The following SYNPR variants were observed in gnomAD, a reference collection of about 807,000 sequenced individuals.
SYNPR encodes the protein synaptoporin.
Under a neutral mutation model 32.9 loss-of-function variants are expected in SYNPR, and 23 were observed. The ratio of observed to expected loss-of-function variants is 0.70; its 90% confidence interval spans 0.50 to 0.99. SYNPR has a LOEUF of 0.99. SYNPR is among the 50% of genes least tolerant of loss of function. The probability of loss-of-function intolerance (pLI) is 0.00; values close to 1 mark genes in which losing one functional copy is unlikely to be tolerated. For missense variants in SYNPR, 318 were observed against 349.3 expected, an observed-to-expected ratio of 0.91 and a Z score of 0.71; for synonymous variants, 146 against 135.9, an observed-to-expected ratio of 1.07 and a Z score of -0.52.
chr3:63,259,229 A>G (rs1053139153), intron 2 of SYNPR, among the ~76,000 whole-genome samples: 1 of 152,238 alleles, frequency 6.6e-6, no homozygotes, highest in Non-Finnish European at 1.5e-5. Flanking sequence ...TTATGAGGCC[A>G]GCATCATCCT....
rs548659844 is a variant in SYNPR, at chr3:63,615,937, G to A, written c.*456G>A. ...TTTTTTTTAGTTTTAAGTCCTATAG[G>A]ACTATGAGTCTCTAAGTTATTTGTT... On this transcript the variant is annotated 3_prime_UTR_variant, in exon 6 of 6. Coordinates refer to ENST00000478300, the MANE Select transcript of SYNPR (RefSeq NM_001130003.2). 1 of 152,666 alleles carries A rather than the reference G, an allele frequency of 6.6e-6. No homozygotes were observed. Among genetic ancestry groups the A allele is most frequent in the Admixed American group, 6.5e-5 (1 of 15,324 alleles). The allele number at this position is 152,666 out of a possible 1,614,324, so 9.5% of individuals were successfully genotyped here.
At chr3:63,237,550 T>A (rs145262939) in intron 1 of SYNPR, among the ~76,000 whole-genome samples, 404 of 152,222 alleles carry the variant, frequency 2.7e-3, no homozygotes, top group African/African-American at 8.9e-3. Flanking sequence ...GGCGTTGGCA[T>A]CGGCTGGTTG....
At chr3:63,365,270 A>G (rs921709019) in intron 2 of SYNPR, among the ~76,000 whole-genome samples, 9 of 152,294 alleles carry the variant, frequency 5.9e-5, no homozygotes, top group African/African-American at 1.9e-4. Flanking sequence ...GTGTTCAACA[A>G]CCAGAAAAAT....
chr3:63,474,015 G>A (rs186149180), intron 2 of SYNPR, among the ~76,000 whole-genome samples: 11 of 152,308 alleles, frequency 7.2e-5, no homozygotes, highest in African/African-American at 2.6e-4. Flanking sequence ...TATTTGGGGA[G>A]CAATGATGGG....
chr3:63,205,359 T>C, the SYNPR span, among the ~76,000 whole-genome samples: 5 of 152,262 alleles, frequency 3.3e-5, no homozygotes, highest in Non-Finnish European at 7.3e-5. Flanking sequence ...CAGATGTCCC[T>C]ACCTGTCCAA....
chr3:63,489,360 T>A (rs1193678366), intron 3 of SYNPR, among the ~76,000 whole-genome samples: 1 of 152,176 alleles, frequency 6.6e-6, no homozygotes, highest in Non-Finnish European at 1.5e-5. Flanking sequence ...AGACCTAGCA[T>A]GTGCCTACAG....
At chr3:63,217,252 C>A in the SYNPR span, among the ~76,000 whole-genome samples, 914 of 30,054 alleles carry the variant, frequency 0.03, 175 homozygotes, top group African/African-American at 0.11. Flanking sequence ...TCGAGCTTCC[C>A]GGCTGCTTTG....
intron 2 of SYNPR, among the ~76,000 whole-genome samples, chr3:63,292,190 A>G (rs976069411): frequency 3.3e-5 from 5 of 152,216 alleles, no homozygotes; most frequent in African/African-American, 4.8e-5. Flanking sequence ...TATGCAGTGC[A>G]TGATTTTAAC....
chr3:63,447,742 TG>T (rs1700304213), intron 2 of SYNPR, among the ~76,000 whole-genome samples: 1 of 145,572 alleles, frequency 6.9e-6, no homozygotes, highest in African/African-American at 2.6e-5. Context: ...TATTTTACTG[TG>T]ATTTTTTTTT....
chr3:63,513,138 C>A (rs967797121), intron 3 of SYNPR, among the ~76,000 whole-genome samples: 1 of 151,562 alleles, frequency 6.6e-6, no homozygotes, highest in Non-Finnish European at 1.5e-5. Context: ...GATAAAAATT[C>A]TCCACATATC....
At chr3:63,378,952 C>T (rs2087930884) in intron 2 of SYNPR, among the ~76,000 whole-genome samples, 2 of 151,962 alleles carry the variant, frequency 1.3e-5, no homozygotes, top group Admixed American at 1.3e-4. Context: ...CTTAGCACTG[C>T]GTGCTAAGAA....
intron 2 of SYNPR, among the ~76,000 whole-genome samples, chr3:63,389,904 C>A (rs1305123737): frequency 6.6e-6 from 1 of 152,186 alleles, no homozygotes; most frequent in African/African-American, 2.4e-5. Context: ...AATAAAAGCT[C>A]TTTGGACTAT....
intron 2 of SYNPR, among the ~76,000 whole-genome samples, chr3:63,411,229 G>A (rs2107117702): frequency 6.6e-6 from 1 of 152,218 alleles, no homozygotes; most frequent in Non-Finnish European, 1.5e-5. Flanking sequence ...AGGAGTCTGA[G>A]GTCAAAGGTG....
intron 4 of SYNPR, among the ~76,000 whole-genome samples, chr3:63,593,699 A>G (rs1699880452): frequency 6.6e-6 from 1 of 152,210 alleles, no homozygotes; most frequent in Non-Finnish European, 1.5e-5. Flanking sequence ...TTCTTCACGC[A>G]TAAAACAAGA....
At chr3:63,241,464 C>T (rs2086242092) in intron 1 of SYNPR, among the ~76,000 whole-genome samples, 1 of 151,994 alleles carries the variant, frequency 6.6e-6, no homozygotes, top group Non-Finnish European at 1.5e-5. Flanking sequence ...ATTTCTCTTG[C>T]CATTAATTGG....
intron 4 of SYNPR, among the ~76,000 whole-genome samples, chr3:63,596,976 T>C (rs116636694): frequency 2.0e-3 from 297 of 152,238 alleles, no homozygotes; most frequent in African/African-American, 7.0e-3. Context: ...TTCAAAGACT[T>C]AGTATCAAAA....
Position 63,615,839 on chromosome 3 carries a change from T to C in SYNPR, c.*358T>C, listed in dbSNP as rs1267063476. 5.9e-6 allele frequency: 1 copy of C among 168,786 alleles called. No homozygotes were observed. Among genetic ancestry groups the C allele is most frequent in the Non-Finnish European group, 1.3e-5 (1 of 79,250 alleles). 10.5% of individuals were successfully genotyped at this position (168,786 alleles called of 1,614,324 possible). A position where few individuals can be genotyped will look rare whatever the true frequency, so the allele number is the denominator to read the frequency against. Reference sequence around the variant, plus strand: ...AATCAAATAGCGTTGAGTTTTCTTATGCATTTTGATGTGAAAGATGTTATA... The same window carrying C: ...AATCAAATAGCGTTGAGTTTTCTTACGCATTTTGATGTGAAAGATGTTATA... On this transcript the variant is annotated 3_prime_UTR_variant, in exon 6 of 6. Transcript: ENST00000478300.
chr3:63,510,113 AAAAT>A (rs1701669136), intron 3 of SYNPR, among the ~76,000 whole-genome samples: 1 of 152,166 alleles, frequency 6.6e-6, no homozygotes, highest in Non-Finnish European at 1.5e-5. Context: ...GCAAGGAACA[AAAAT>A]AAATAAGGGG....
chr3:63,227,633 T>A (rs548073718), upstream of SYNPR, among the ~76,000 whole-genome samples: 1 of 152,338 alleles, frequency 6.6e-6, no homozygotes, highest in Admixed American at 6.5e-5. Flanking sequence ...GTAGGCTTTG[T>A]CCTCATTGTT....
Sources: allele counts gnomAD v4.1 joint callset (sites outside exome capture counted in the v4.1 genomes callset), GRCh38; gene constraint gnomAD v4.1.1; transcripts MANE v1.5; gene names NCBI Gene and HGNC (gene_info 2026-07-23, HGNC 2026-07-21).